SCAF8: variants seen among roughly 807,000 people sequenced by gnomAD.
SCAF8 encodes the protein SR-related CTD associated factor 8, also known as SR-related and CTD-associated factor 8.
A neutral mutation model predicts 140.5 loss-of-function variants in SCAF8; 23 were observed. The ratio of observed to expected loss-of-function variants is 0.16; its 90% CI spans 0.12 to 0.23. The LOEUF (loss-of-function observed/expected upper bound fraction) is 0.23. Ranked by LOEUF, SCAF8 falls within the 10% of genes least tolerant of loss-of-function variation. The pLI is 1.00. For missense variants in SCAF8, 1,397 were observed against 1,555.7 expected, an observed-to-expected ratio of 0.90 and a Z score of 1.72; for synonymous variants, 575 against 528.9, an observed-to-expected ratio of 1.09 and a Z score of -1.20.
chr6:154,825,655 CAA>C (rs34342159), intron 17 of SCAF8, among the ~76,000 whole-genome samples: 20 of 64,330 alleles, frequency 3.1e-4, no homozygotes, highest in Admixed American at 5.6e-4. Flanking sequence ...GACCTTGTCT[CAA>C]AAAAAAAAAA....
At position 154,733,959 on chromosome 6, in the gene SCAF8, C is replaced by T. The variant is rs1311919222; in HGVS notation, c.30+29C>T. 7 of 1,514,294 alleles carry T rather than the reference C, an allele frequency of 4.6e-6. No homozygotes were observed. The East Asian group carries it at 8.1e-5, about 18-fold the overall frequency. 93.8% of individuals were successfully genotyped at this position (1,514,294 alleles called of 1,614,324 possible). A position where few individuals can be genotyped will look rare whatever the true frequency, so the allele number is the denominator to read the frequency against. Reference sequence around the variant, plus strand: ...GGTATGGCAGCCGGGTTCCCCTGCTCCTGCCCGCACCGCCCCCACCCCTGG... The same window carrying T: ...GGTATGGCAGCCGGGTTCCCCTGCTTCTGCCCGCACCGCCCCCACCCCTGG... On this transcript the variant is annotated intron_variant, in intron 1 of 19. Transcript: ENST00000367178.
At chr6:154,752,313 T>C (rs1293107463) in intron 1 of SCAF8, among the ~76,000 whole-genome samples, 1 of 152,186 alleles carries the variant, frequency 6.6e-6, no homozygotes, top group African/African-American at 2.4e-5. Context: ...TACATACTAA[T>C]CCTGATGAGC....
chr6:154,808,329 CCT>C lies in SCAF8; in HGVS notation c.1113+129_1113+130del. 7 of 967,506 alleles carry C rather than the reference CCT, an allele frequency of 7.2e-6. 1 individual carries two copies. In the South Asian group the frequency reaches 1.2e-4, roughly 16 times the overall value. 59.9% of individuals were successfully genotyped at this position (967,506 alleles called of 1,614,324 possible). A position where few individuals can be genotyped will look rare whatever the true frequency, so the allele number is the denominator to read the frequency against. On this transcript the variant is annotated intron_variant, in intron 10 of 19. Transcript: ENST00000367178. Reference sequence around the variant, plus strand: ...TAAGCTCCACTTTGTAATTGTTTCACCTATTAGGCCAAGCTTGTCCAAGGCCT... The same window carrying C: ...TAAGCTCCACTTTGTAATTGTTTCACATTAGGCCAAGCTTGTCCAAGGCCT...
At chr6:154,774,449 G>A (rs1193478198) in intron 2 of SCAF8, among the ~76,000 whole-genome samples, 1 of 152,062 alleles carries the variant, frequency 6.6e-6, no homozygotes, top group East Asian at 1.9e-4. Flanking sequence ...TTTTGAAGCA[G>A]TCATTTTTCC....
At chr6:154,783,566 TAATA>T (rs1299303780) in intron 3 of SCAF8, among the ~76,000 whole-genome samples, 3 of 152,202 alleles carry the variant, frequency 2.0e-5, no homozygotes, top group African/African-American at 7.2e-5. Flanking sequence ...ACTTTGTAAA[TAATA>T]AATGAAAAGA....
intron 1 of SCAF8, among the ~76,000 whole-genome samples, chr6:154,768,615 TAAAC>T (rs1329987239): frequency 6.6e-6 from 1 of 152,224 alleles, no homozygotes; most frequent in Non-Finnish European, 1.5e-5. Flanking sequence ...TTGTAAATGA[TAAAC>T]TAAAATAAAC....
chr6:154,818,235 C>T (rs776723806), intron 13 of SCAF8, among the ~76,000 whole-genome samples: 11 of 152,026 alleles, frequency 7.2e-5, no homozygotes, highest in Non-Finnish European at 1.3e-4. Context: ...TAAGATTTCA[C>T]ATTTATCGTG....
intron 1 of SCAF8, among the ~76,000 whole-genome samples, chr6:154,740,853 A>C (rs1056906800): frequency 6.6e-6 from 1 of 151,394 alleles, no homozygotes; most frequent in East Asian, 2.0e-4. Flanking sequence ...TCCTGGTCTC[A>C]AGAGACCTGC....
At chr6:154,831,289 T>C in intron 19 of SCAF8, 149 bp downstream of exon 19, 1 of 573,602 alleles carries the variant, frequency 1.7e-6, no homozygotes, top group Non-Finnish European at 3.0e-6. Context: ...TGTCCTAAAA[T>C]TTCTATTTGA....
chr6:154,799,386 T>TA (rs1196204666), intron 6 of SCAF8, among the ~76,000 whole-genome samples: 1 of 151,320 alleles, frequency 6.6e-6, no homozygotes, highest in East Asian at 1.9e-4. Context: ...TCAATGGAAT[T>TA]ACAGGCACAA....
intron 1 of SCAF8, among the ~76,000 whole-genome samples, chr6:154,769,806 A>AT (rs2114838772): frequency 6.6e-6 from 1 of 152,342 alleles, no homozygotes; most frequent in Admixed American, 6.5e-5. Flanking sequence ...TTCTTAACAA[A>AT]TATCTATTCT....
intron 1 of SCAF8, among the ~76,000 whole-genome samples, chr6:154,751,539 T>A (rs1322359963): frequency 6.6e-6 from 1 of 152,144 alleles, no homozygotes; most frequent in Non-Finnish European, 1.5e-5. Flanking sequence ...AAACTACGAA[T>A]TTTAGACCTG....
chr6:154,768,794 G>T (rs1014185164), intron 1 of SCAF8, among the ~76,000 whole-genome samples: 7 of 152,136 alleles, frequency 4.6e-5, no homozygotes, highest in African/African-American at 1.7e-4. Context: ...CAGGCGCAGT[G>T]GCTCACGCCT....
intron 3 of SCAF8, among the ~76,000 whole-genome samples, chr6:154,779,673 G>A (rs141803948): frequency 0.014 from 2,084 of 152,260 alleles, 16 homozygotes; most frequent in Middle Eastern, 0.034. Context: ...AAGCCAATCA[G>A]TGTATGGGGA....
chr6:154,816,859 TAAG>T (rs906001492), intron 13 of SCAF8, among the ~76,000 whole-genome samples: 2 of 152,170 alleles, frequency 1.3e-5, no homozygotes, highest in South Asian at 4.1e-4. Flanking sequence ...TGGAGCCTCA[TAAG>T]AAGCTGGTTA....
At position 154,818,960 on chromosome 6, in the gene SCAF8, A is replaced by G. The variant is rs778547351; in HGVS notation, c.1635+368A>G. 6.6e-5 allele frequency among the ~76,000 whole-genome samples: 10 copies of G among 152,154 alleles called. 1 individual carries two copies. The East Asian group carries it at 7.7e-4, about 12-fold the overall frequency. ...CTTTTCCTCCCAGTACTCCTTAACT[A>G]TACCTTCTAATTATATTATTGATTT... is the stretch of plus-strand genomic sequence containing the variant. On this transcript the variant is annotated intron_variant, in intron 14 of 19. Transcript: ENST00000367178.
chr6:154,824,205 G>T (rs1238837683), intron 16 of SCAF8, 29 bp from the exon 17 acceptor site: 1 of 1,609,608 alleles, frequency 6.2e-7, no homozygotes, highest in Non-Finnish European at 8.5e-7. Context: ...ATAAACTGAT[G>T]AGTGAACTTT....
intron 7 of SCAF8, 148 bp from the exon 8 acceptor site, chr6:154,803,396 T>A (rs1777825197): frequency 1.5e-6 from 1 of 663,426 alleles, no homozygotes; most frequent in South Asian, 1.8e-5. Flanking sequence ...CTCAAAACAC[T>A]TTATAATAGT....
chr6:154,745,407 TC>T (rs200626503), intron 1 of SCAF8, among the ~76,000 whole-genome samples: 4,844 of 152,250 alleles, frequency 0.032, 103 homozygotes, highest in Middle Eastern at 0.061. Flanking sequence ...GGGATCTTGC[TC>T]TGTTGCCCAG....
Sources: gnomAD v4.1 joint callset for allele counts (sites outside exome capture counted in the v4.1 genomes callset) on GRCh38, gnomAD v4.1.1 for gene constraint, MANE v1.5 for transcripts, NCBI Gene and HGNC (gene_info 2026-07-23, HGNC 2026-07-21) for gene names.